The following EPHA6 variants were observed in gnomAD, a reference collection of about 807,000 sequenced individuals.
The protein encoded by EPHA6 is EPH receptor A6.
In EPHA6, 50 loss-of-function variants were observed where a neutral mutation model predicts 112.0. That is an observed-to-expected ratio of 0.45 (90% CI 0.36 to 0.56). EPHA6 has a LOEUF of 0.56. Among genes scored for constraint, EPHA6 ranks in the 20% least tolerant of loss-of-function variants. The pLI is 0.00. For synonymous variants in EPHA6, 529 were observed against 490.7 expected, an observed-to-expected ratio of 1.08 and a Z score of -1.03; for missense variants, 1,280 against 1,417.4, an observed-to-expected ratio of 0.90 and a Z score of 1.56.
intron 3 of EPHA6, among the ~76,000 whole-genome samples, chr3:97,067,861 G>A (rs1371866881): frequency 6.6e-6 from 1 of 151,992 alleles, no homozygotes; most frequent in Non-Finnish European, 1.5e-5. Flanking sequence ...CTCAGGGATA[G>A]GCCAGGCATG....
At chr3:96,967,967 C>T (rs2042185798) in intron 2 of EPHA6, among the ~76,000 whole-genome samples, 1 of 151,644 alleles carries the variant, frequency 6.6e-6, no homozygotes, top group Non-Finnish European at 1.5e-5. Flanking sequence ...TATCCTTTGT[C>T]TTCTGTATCC....
At chr3:96,956,717 A>T (rs922971788) in intron 2 of EPHA6, among the ~76,000 whole-genome samples, 1 of 152,130 alleles carries the variant, frequency 6.6e-6, no homozygotes, top group African/African-American at 2.4e-5. Flanking sequence ...ACAAACCCTG[A>T]GACAGAAGAG....
At chr3:97,237,986 G>A (rs1474712943) in intron 4 of EPHA6, among the ~76,000 whole-genome samples, 1 of 151,808 alleles carries the variant, frequency 6.6e-6, no homozygotes, top group Non-Finnish European at 1.5e-5. Flanking sequence ...ATACATTTCT[G>A]TAATTATTAC....
At chr3:97,427,076 T>A (rs2089179387) in intron 6 of EPHA6, among the ~76,000 whole-genome samples, 1 of 152,148 alleles carries the variant, frequency 6.6e-6, no homozygotes, top group South Asian at 2.1e-4. Context: ...AAAGGAACAC[T>A]TATGCACTGT....
At chr3:97,259,245 AT>A (rs1353358487) in intron 5 of EPHA6, among the ~76,000 whole-genome samples, 2 of 152,176 alleles carry the variant, frequency 1.3e-5, no homozygotes, top group African/African-American at 4.8e-5. Context: ...TTGAAAAAAA[AT>A]CTATGTAAAT....
chr3:97,126,854 C>G, intron 3 of EPHA6, among the ~76,000 whole-genome samples: 1 of 131,134 alleles, frequency 7.6e-6, no homozygotes, highest in African/African-American at 2.9e-5. Flanking sequence ...ACAGTAAGAG[C>G]ATAAAGAAGA....
intron 3 of EPHA6, among the ~76,000 whole-genome samples, chr3:97,161,907 G>A (rs1457848002): frequency 3.3e-5 from 5 of 152,184 alleles, no homozygotes; most frequent in Non-Finnish European, 7.4e-5. Flanking sequence ...AGGCTGGAGA[G>A]ATGATGTATC....
At chr3:97,663,820 C>G (rs1357213556) in intron 14 of EPHA6, among the ~76,000 whole-genome samples, 1 of 152,124 alleles carries the variant, frequency 6.6e-6, no homozygotes, top group East Asian at 1.9e-4. Flanking sequence ...TTTATAGCAG[C>G]ATGATTTATA....
intron 5 of EPHA6, among the ~76,000 whole-genome samples, chr3:97,370,667 T>G (rs2108978210): frequency 6.6e-6 from 1 of 152,322 alleles, no homozygotes; most frequent in Middle Eastern, 3.4e-3. Context: ...TTCTATTTTA[T>G]TGGCTTTAAC....
intron 2 of EPHA6, among the ~76,000 whole-genome samples, chr3:96,931,145 G>T (rs1472947962): frequency 6.6e-6 from 1 of 152,076 alleles, no homozygotes; most frequent in South Asian, 2.1e-4. Flanking sequence ...GAACAACCAA[G>T]GTGGTGGCCT....
At position 97,091,858 on chromosome 3, in the gene EPHA6, C is replaced by T. The variant is rs371029196; in HGVS notation, c.1114+103865C>T. On this transcript the variant is annotated intron_variant, in intron 3 of 17. Transcript: ENST00000389672. ...TACTTTAAGAAAAAGAAATGTAAAC[C>T]TTTGAAAAAGAGAAATACTCAGGCT... Among the ~76,000 whole-genome samples the T allele has an allele frequency of 3.3e-5, 5 of 151,882 alleles. No homozygotes were observed. In the South Asian group the frequency reaches 6.2e-4, roughly 19 times the overall value.
intron 3 of EPHA6, among the ~76,000 whole-genome samples, chr3:97,220,548 G>A (rs936308933): frequency 6.6e-6 from 1 of 152,166 alleles, no homozygotes; most frequent in African/African-American, 2.4e-5. Context: ...GGAAGCAAGG[G>A]ACCTTCTTCA....
intron 2 of EPHA6, among the ~76,000 whole-genome samples, chr3:96,921,623 C>A (rs1446012720): frequency 6.6e-6 from 1 of 150,788 alleles, no homozygotes; most frequent in Non-Finnish European, 1.5e-5. Context: ...GGCTGGAGTG[C>A]AGTTGTGTGA....
intron 2 of EPHA6, among the ~76,000 whole-genome samples, chr3:96,916,992 G>A (rs2039513663): frequency 2.6e-5 from 4 of 152,278 alleles, no homozygotes; most frequent in South Asian, 2.1e-4. Context: ...TCAGTGGGCT[G>A]TAGTTTTCTA....
Position 97,754,726 on chromosome 3 carries a change from C to G in EPHA6, c.*6025C>G, listed in dbSNP as rs539748543. 2.0e-5 allele frequency among the ~76,000 whole-genome samples: 3 copies of G among 152,174 alleles called. No individual in the cohort carries two copies. Among genetic ancestry groups the G allele is most frequent in the African/African-American group, 7.2e-5 (3 of 41,554 alleles). On this transcript the variant is annotated 3_prime_UTR_variant, in exon 18 of 18. Coordinates refer to ENST00000389672, the MANE Select transcript of EPHA6 (RefSeq NM_001080448.3). Reference sequence around the variant, plus strand: ...TTTATTTATTCATTTATTTTTGAGACGGAGTCTCGCTCTGTCGCCTAGGCT... The same window carrying G: ...TTTATTTATTCATTTATTTTTGAGAGGGAGTCTCGCTCTGTCGCCTAGGCT...
At chr3:97,231,834 T>C (rs1030764741) in intron 4 of EPHA6, among the ~76,000 whole-genome samples, 6 of 152,222 alleles carry the variant, frequency 3.9e-5, no homozygotes, top group Admixed American at 6.5e-5. Context: ...TGATGACTTA[T>C]AGTCGTTTCT....
chr3:96,849,238 A>G (rs1359979030), intron 1 of EPHA6, among the ~76,000 whole-genome samples: 2 of 152,176 alleles, frequency 1.3e-5, no homozygotes, highest in African/African-American at 4.8e-5. Flanking sequence ...GTAATAGCAT[A>G]AAAAGTGCCA....
intron 3 of EPHA6, among the ~76,000 whole-genome samples, chr3:97,220,039 G>A (rs1348508744): frequency 6.6e-6 from 1 of 152,182 alleles, no homozygotes; most frequent in Non-Finnish European, 1.5e-5. Flanking sequence ...TAGGACAGGA[G>A]CAAAATGCTA....
At chr3:97,548,336 C>T (rs905957760) in intron 11 of EPHA6, among the ~76,000 whole-genome samples, 6 of 152,142 alleles carry the variant, frequency 3.9e-5, no homozygotes, top group East Asian at 1.9e-4. Context: ...ATGCTTTATT[C>T]GTGAGGATGT....
Sources: gnomAD v4.1 joint callset for allele counts (sites outside exome capture counted in the v4.1 genomes callset) on GRCh38, gnomAD v4.1.1 for gene constraint, MANE v1.5 for transcripts, NCBI Gene and HGNC (gene_info 2026-07-23, HGNC 2026-07-21) for gene names.